SAMD11: variants seen among roughly 807,000 people sequenced by gnomAD.
SAMD11 encodes sterile alpha motif domain containing 11, also known as sterile alpha motif domain-containing protein 11.
SAMD11 carries 77 observed loss-of-function variants against 64.4 expected under a neutral mutation model. That is an observed-to-expected ratio of 1.20 (90% CI 0.99 to 1.44). SAMD11 has a LOEUF of 1.44. SAMD11 is among the 40% of genes most tolerant of loss of function. The pLI is 0.00. For missense variants in SAMD11, 1,402 were observed against 943.3 expected, an observed-to-expected ratio of 1.49 and a Z score of -6.37; for synonymous variants, 658 against 421.9, an observed-to-expected ratio of 1.56 and a Z score of -6.86.
Position 939,107 on chromosome 1 carries a change from G to A in SAMD11, c.1035G>A (p.Arg345=), listed in dbSNP as rs764088034. 2.2e-5 allele frequency: 35 copies of A among 1,600,830 alleles called. No homozygotes were observed. Among genetic ancestry groups the A allele is most frequent in the Admixed American group, 3.4e-5 (2 of 58,108 alleles). Residue 345 remains arginine (R), a synonymous_variant, in exon 6 of 14, where the codon AGG becomes AGA. Transcript: ENST00000616016. ...RISSDCFSEK[R]ARSESPQEAL... is the part of the protein sequence containing the mutation. ...GCAGCGACTGCTTTTCAGAGAAGAGGGCACGAAGCGAATCGCCTCAAGGTA... is the reference window on the plus strand; with the variant it reads ...GCAGCGACTGCTTTTCAGAGAAGAGAGCACGAAGCGAATCGCCTCAAGGTA...
intron 7 of SAMD11, among the ~76,000 whole-genome samples, chr1:939,667 G>T (rs946318431): frequency 5.9e-5 from 9 of 152,176 alleles, no homozygotes; most frequent in African/African-American, 1.9e-4. Flanking sequence ...ATTTTATATA[G>T]AGAGAAATGG....
At chr1:926,649 G>A (rs1247401154) in intron 2 of SAMD11, among the ~76,000 whole-genome samples, 1 of 152,190 alleles carries the variant, frequency 6.6e-6, no homozygotes, top group Admixed American at 6.5e-5. Context: ...CTCACTGAGG[G>A]AGCAGGCAGG....
intron 3 of SAMD11, among the ~76,000 whole-genome samples, chr1:930,686 C>T (rs1037607312): frequency 3.9e-5 from 6 of 152,218 alleles, no homozygotes; most frequent in Admixed American, 6.5e-5. Flanking sequence ...CATTCAGGCT[C>T]GTGACTGGCT....
chr1:940,693 C>T (rs1042456599), intron 7 of SAMD11, among the ~76,000 whole-genome samples: 1 of 152,238 alleles, frequency 6.6e-6, no homozygotes, highest in Non-Finnish European at 1.5e-5. Context: ...TGCGCGGGCG[C>T]TGCCTTGCCT....
rs995585679 is a variant in SAMD11, at chr1:935,990, C to G, written c.967+94C>G. 3 of 1,360,586 alleles carry G rather than the reference C, an allele frequency of 2.2e-6. No individual in the cohort carries two copies. The South Asian group carries it at 3.9e-5, about 17-fold the overall frequency. The allele number at this position is 1,360,586 out of a possible 1,614,324, so 84.3% of individuals were successfully genotyped here. A position where few individuals can be genotyped will look rare whatever the true frequency, so the allele number is the denominator to read the frequency against. ...CAGCACCAGCAGCCTTGGCAGGCAG[C>G]CAGAGAGGCAGGAGGAGCGGCCTGT... On this transcript the variant is annotated intron_variant, in intron 5 of 13. Coordinates refer to ENST00000616016, the MANE Select transcript of SAMD11 (RefSeq NM_001385641.1).
Position 930,275 on chromosome 1 carries a change from T to G in SAMD11, c.730T>G (p.Cys244Gly), listed in dbSNP as rs772007449. The G allele has an allele frequency of 5.1e-5, 82 of 1,608,500 alleles. No homozygotes were observed. The highest frequency in any genetic ancestry group is 6.8e-5 in the Non-Finnish European group (80 of 1,178,018). The change falls in exon 3 of 14, where the codon TGT becomes GGT. Residue 244 changes from cysteine to glycine, a missense_variant. By Grantham distance (159) the Cys-to-Gly change is radical (BLOSUM62 -3). Coordinates refer to ENST00000616016, the MANE Select transcript of SAMD11 (RefSeq NM_001385641.1). ...DGDSDGSGPT[C>G]GRRPGLKQED... ...TGACAGCGACGGGAGTGGCCCCACC[T>G]GTGGGCGGCGGCCAGGCTTGAAGCA...
In SAMD11 at chr1:944,453, T is replaced by TC; in HGVS notation, c.*305dup. 4 of 862,286 alleles carry TC rather than the reference T, an allele frequency of 4.6e-6. No individual in the cohort carries two copies. Among genetic ancestry groups the TC allele is most frequent in the East Asian group, 3.1e-5 (1 of 32,232 alleles). 53.4% of individuals were successfully genotyped at this position (862,286 alleles called of 1,614,324 possible). A position where few individuals can be genotyped will look rare whatever the true frequency, so the allele number is the denominator to read the frequency against. ...TCGGTCTGCTGACGTCAGGGTCAGC[T>TC]CCCCCGCGGAGCTGACTTCAGCAGC... On this transcript the variant is annotated 3_prime_UTR_variant, in exon 14 of 14. Coordinates refer to ENST00000616016, the MANE Select transcript of SAMD11 (RefSeq NM_001385641.1).
chr1:935,721 C>G (rs1037953806), intron 4 of SAMD11, 51 bp from the exon 5 acceptor site: 2 of 1,609,744 alleles, frequency 1.2e-6, no homozygotes, highest in Non-Finnish European at 1.7e-6. Flanking sequence ...AGGCTGGGCT[C>G]CAGCCTCGCA....
At position 944,147 on chromosome 1, in the gene SAMD11, G is replaced by A. The variant is rs1463137692; in HGVS notation, c.2529G>A (p.Leu843=). Residue 843 remains leucine (L), a synonymous_variant, in exon 14 of 14, where the codon CTG becomes CTA. Transcript: ENST00000616016. ...GGGCCCCCGACCCTTCCCAGCCTCT[G>A]TGTTGAGGTTGCCGGGGGTAGGGGT... ...LPGAPDPSQP[L]C 1 of 1,554,166 alleles carries A rather than the reference G, an allele frequency of 6.4e-7. No individual in the cohort carries two copies. The highest frequency in any genetic ancestry group is 8.7e-7 in the Non-Finnish European group (1 of 1,148,684).
chr1:926,663 G>A (rs934963861), intron 2 of SAMD11, among the ~76,000 whole-genome samples: 1 of 152,304 alleles, frequency 6.6e-6, no homozygotes, highest in East Asian at 1.9e-4. Flanking sequence ...AGGCAGGAGA[G>A]ACGGGGATGC....
chr1:943,829 G>A (rs765334965), intron 13 of SAMD11, 21 bp downstream of exon 13: 14 of 1,612,830 alleles, frequency 8.7e-6, no homozygotes, highest in East Asian at 6.7e-5. Context: ...GGGGAGTGAG[G>A]TCAGGGTCTC....
chr1:941,442 G>A (rs1179261771), intron 8 of SAMD11, 136 bp downstream of exon 8: 2 of 913,566 alleles, frequency 2.2e-6, no homozygotes, highest in Admixed American at 5.9e-5. Context: ...AGAGCGTTTC[G>A]GGGGTGACAC....
chr1:941,336 T>C (rs557025916), intron 8 of SAMD11, 30 bp downstream of exon 8: 22 of 1,507,388 alleles, frequency 1.5e-5, no homozygotes, highest in Non-Finnish European at 1.9e-5. Flanking sequence ...TCTCTGCTTG[T>C]TTCTGGGGTG....
chr1:939,830 G>A (rs1024472672), intron 7 of SAMD11, among the ~76,000 whole-genome samples: 1 of 152,186 alleles, frequency 6.6e-6, no homozygotes. Context: ...CTGGGGAGGG[G>A]CAGTGAGCAG....
In SAMD11 at chr1:931,442, A is replaced by T. The variant is rs182405653; in HGVS notation, c.842+353A>T. ...ATGAGGCTGTCACCTCCCCCTTCCC[A>T]CCCTCCTAGAGACCCACAAGGAGGT... On this transcript the variant is annotated intron_variant, in intron 4 of 13. Transcript: ENST00000616016. Among the ~76,000 whole-genome samples, 667 of 151,294 alleles carry T rather than the reference A, an allele frequency of 4.4e-3. 5 individuals are homozygous for T. Among genetic ancestry groups the T allele is most frequent in the African/African-American group, 0.016 (641 of 41,170 alleles).
Position 943,322 on chromosome 1 carries a change from T to C in SAMD11, c.2123T>C (p.Val708Ala), listed in dbSNP as rs981686916. Residue 708 changes from valine (V) to alanine (A), a missense_variant, in exon 12 of 14, where the codon GTG becomes GCG. Transcript: ENST00000616016. ...CCTGAGGACGTCACCAAGTGGACCG[T>C]GGATGACGTCTGCAGCTTCGTGGGG... ...PAPEDVTKWT[V>A]DDVCSFVGGL... 1.2e-6 allele frequency: 2 copies of C among 1,610,042 alleles called. No individual in the cohort carries two copies. The highest frequency in any genetic ancestry group is 1.7e-6 in the Non-Finnish European group (2 of 1,178,334).
intron 8 of SAMD11, among the ~76,000 whole-genome samples, chr1:941,841 C>G (rs955911246): frequency 6.6e-6 from 1 of 152,134 alleles, no homozygotes; most frequent in Non-Finnish European, 1.5e-5. Flanking sequence ...TAATGACGCC[C>G]CCGCTTCCCC....
rs974960612 is a variant in SAMD11 at position 943,690 on chromosome 1, C to T, written c.2179-8C>T. ...CGGGTCCTGACCCTCCCTCCCTCCC[C>T]CTTCCAGGTCTTCAGGGAGCAGGGG... On this transcript the variant is annotated splice_polypyrimidine_tract_variant and splice_region_variant and intron_variant, in intron 12 of 13. Transcript: ENST00000616016. 2 of 1,560,216 alleles carry T rather than the reference C, an allele frequency of 1.3e-6. No individual in the cohort carries two copies. The highest frequency in any genetic ancestry group is 8.7e-7 in the Non-Finnish European group (1 of 1,151,710).
At position 943,809 on chromosome 1, in the gene SAMD11, G is replaced by A. The variant is rs772384006; in HGVS notation, c.2289+1G>A. On this transcript the variant is annotated splice_donor_variant, in intron 13 of 13. Coordinates refer to ENST00000616016, the MANE Select transcript of SAMD11 (RefSeq NM_001385641.1). LOFTEE classifies it high-confidence loss of function. ...GCCCGCCCTCAAGATCCGGGCCCAG[G>A]TGAGACGCTGGGGAGTGAGGTCAGG... 1.2e-6 allele frequency: 2 copies of A among 1,612,928 alleles called. No individual in the cohort carries two copies. Among genetic ancestry groups the A allele is most frequent in the Admixed American group, 3.3e-5 (2 of 60,022 alleles).
Sources: allele counts gnomAD v4.1 joint callset (sites outside exome capture counted in the v4.1 genomes callset), GRCh38; gene constraint gnomAD v4.1.1; transcripts MANE v1.5; gene names NCBI Gene and HGNC (gene_info 2026-07-23, HGNC 2026-07-21).